The following ZSWIM5 variants were observed in gnomAD, a reference collection of about 807,000 sequenced individuals.
ZSWIM5 encodes the protein zinc finger SWIM-type containing 5.
Under a neutral mutation model 119.6 loss-of-function variants are expected in ZSWIM5, and 55 were observed. The ratio of observed to expected loss-of-function variants is 0.46; its 90% CI spans 0.37 to 0.58. The LOEUF is 0.58. Ranked by LOEUF, ZSWIM5 falls within the 20% of genes least tolerant of loss-of-function variation. The pLI is 0.00. For missense variants in ZSWIM5, 1,193 were observed against 1,512.8 expected, an observed-to-expected ratio of 0.79 and a Z score of 3.51; for synonymous variants, 537 against 606.9, an observed-to-expected ratio of 0.88 and a Z score of 1.69.
At position 45,020,649 on chromosome 1, in the gene ZSWIM5, G is replaced by A. The variant is rs368723152; in HGVS notation, c.2589C>T (p.Asn863=). The change falls in exon 12 of 14, where the codon AAC becomes AAT. Residue 863 remains asparagine, a synonymous_variant. Coordinates refer to ENST00000359600, the MANE Select transcript of ZSWIM5 (RefSeq NM_020883.2). ...CCTGTAACCCAAGTTCCAGGGCAACGTTGAGCAGGGTGCTGTCAGTACTAC... is the reference window on the plus strand; with the variant it reads ...CCTGTAACCCAAGTTCCAGGGCAACATTGAGCAGGGTGCTGTCAGTACTAC... ...TDSSTDSTLL[N]VALELGLQVM... The A allele has an allele frequency of 3.3e-5, 54 of 1,613,894 alleles. No homozygotes were observed. The highest frequency in any genetic ancestry group is 1.2e-4 in the Admixed American group (7 of 59,984).
At chr1:45,055,362 G>T (rs1645115989) in intron 4 of ZSWIM5, among the ~76,000 whole-genome samples, 1 of 152,076 alleles carries the variant, frequency 6.6e-6, no homozygotes, top group South Asian at 2.1e-4. Context: ...CTGACCTCAG[G>T]TGATCTGCCT....
intron 1 of ZSWIM5, among the ~76,000 whole-genome samples, chr1:45,157,744 T>C (rs770313444): frequency 6.6e-6 from 1 of 152,238 alleles, no homozygotes; most frequent in Non-Finnish European, 1.5e-5. Flanking sequence ...GGTAAGTGTA[T>C]GTATGGACCT....
intron 10 of ZSWIM5, 45 bp downstream of exon 10, chr1:45,035,643 C>A: frequency 6.2e-7 from 1 of 1,604,570 alleles, no homozygotes; most frequent in East Asian, 2.2e-5. Context: ...GCACTGGACA[C>A]TTCTGCTTTG....
intron 8 of ZSWIM5, among the ~76,000 whole-genome samples, chr1:45,038,528 T>C (rs1191561564): frequency 6.9e-6 from 1 of 144,314 alleles, no homozygotes; most frequent in African/African-American, 2.5e-5. Flanking sequence ...TGCTCTAGTT[T>C]GGACAAGAGG....
Position 45,040,413 on chromosome 1 carries a change from T to C in ZSWIM5, c.1735A>G (p.Ile579Val). Residue 579 changes from isoleucine (I) to valine (V), a missense_variant, in exon 7 of 14, where the codon ATC becomes GTC. Physicochemically the swap from Ile to Val is conservative, Grantham distance 29. Coordinates refer to ENST00000359600, the MANE Select transcript of ZSWIM5 (RefSeq NM_020883.2). Reference protein sequence around the residue: ...LRLQQQRQLEIYKHQKKELLQ... With the variant: ...LRLQQQRQLEVYKHQKKELLQ... ...ATACCTTTCTTCTGATGCTTGTAGA[T>C]TTCCAGTTGCCGCTGCTGCTGCAAC... 1.2e-6 allele frequency: 2 copies of C among 1,611,294 alleles called. No homozygotes were observed. Among genetic ancestry groups the C allele is most frequent in the Non-Finnish European group, 1.7e-6 (2 of 1,178,770 alleles).
chr1:45,127,295 G>A (rs1645627180), intron 1 of ZSWIM5, among the ~76,000 whole-genome samples: 1 of 151,986 alleles, frequency 6.6e-6, no homozygotes, highest in Non-Finnish European at 1.5e-5. Context: ...AGTTGACACA[G>A]GAAAAGTATT....
intron 8 of ZSWIM5, among the ~76,000 whole-genome samples, chr1:45,036,527 G>A (rs1193979585): frequency 6.6e-6 from 1 of 151,788 alleles, no homozygotes; most frequent in Non-Finnish European, 1.5e-5. Context: ...TCGAATTTTT[G>A]TATTTTTAGT....
intron 2 of ZSWIM5, among the ~76,000 whole-genome samples, chr1:45,081,547 G>C (rs1052820842): frequency 6.6e-6 from 1 of 152,244 alleles, no homozygotes; most frequent in Non-Finnish European, 1.5e-5. Flanking sequence ...TCCTAACCGC[G>C]AGTGATCCGC....
At chr1:45,091,239 C>T (rs527252917) in intron 1 of ZSWIM5, among the ~76,000 whole-genome samples, 1 of 152,124 alleles carries the variant, frequency 6.6e-6, no homozygotes, top group East Asian at 1.9e-4. Flanking sequence ...TAATTTCCCT[C>T]GGGCCATTCA....
At position 45,147,631 on chromosome 1, in the gene ZSWIM5, T is replaced by C. The variant is rs184058607; in HGVS notation, c.595+58125A>G. 2.4e-5 allele frequency among the ~76,000 whole-genome samples: 3 copies of C among 127,302 alleles called. No homozygotes were observed. In the East Asian group the frequency reaches 6.5e-4, roughly 28 times the overall value. The allele number at this position is 127,302 out of a possible 152,430, so 83.5% of individuals were successfully genotyped here. ...GAAGAAACCAGTTGGACATATATAATATGGAAAGGAAAAAATGGGGATAGG... is the reference window on the plus strand; with the variant it reads ...GAAGAAACCAGTTGGACATATATAACATGGAAAGGAAAAAATGGGGATAGG... On this transcript the variant is annotated intron_variant, in intron 1 of 13. Transcript: ENST00000359600.
At chr1:45,106,924 C>T (rs1645483472) in intron 1 of ZSWIM5, among the ~76,000 whole-genome samples, 1 of 152,216 alleles carries the variant, frequency 6.6e-6, no homozygotes, top group African/African-American at 2.4e-5. Context: ...CCCCAACCCC[C>T]TGCTCTCTGA....
chr1:45,029,689 T>C (rs1333580083), intron 11 of ZSWIM5, among the ~76,000 whole-genome samples: 2 of 152,232 alleles, frequency 1.3e-5, no homozygotes, highest in Non-Finnish European at 2.9e-5. Flanking sequence ...GTCAAAATCA[T>C]ACGATCTTTA....
At chr1:45,052,758 A>C (rs201197433) in intron 4 of ZSWIM5, among the ~76,000 whole-genome samples, 1 of 3,892 alleles carries the variant, frequency 2.6e-4, no homozygotes, top group Non-Finnish European at 5.5e-4. Context: ...GGGTGATGGG[A>C]AAAAAAAAAA....
intron 8 of ZSWIM5, 57 bp downstream of exon 8, chr1:45,038,879 A>G: frequency 6.2e-7 from 1 of 1,602,986 alleles, no homozygotes; most frequent in East Asian, 2.2e-5. Flanking sequence ...TACAGGTGTG[A>G]GCCACCATGC....
chr1:45,165,542 A>C (rs1645896120), intron 1 of ZSWIM5, among the ~76,000 whole-genome samples: 1 of 152,110 alleles, frequency 6.6e-6, no homozygotes, highest in African/African-American at 2.4e-5. Context: ...GTTTTTTGAA[A>C]AGATCAACAA....
At chr1:45,043,655 TC>T (rs1302478856) in intron 5 of ZSWIM5, among the ~76,000 whole-genome samples, 2 of 152,224 alleles carry the variant, frequency 1.3e-5, no homozygotes, top group East Asian at 3.9e-4. Flanking sequence ...CCCACAGAGA[TC>T]TATGGCTTAC....
chr1:45,043,678 A>G (rs1645030320), intron 5 of ZSWIM5, among the ~76,000 whole-genome samples: 2 of 152,064 alleles, frequency 1.3e-5, no homozygotes, highest in South Asian at 4.2e-4. Context: ...TCCTCCTTCT[A>G]CAGAAGACTA....
chr1:45,041,541 C>CTT (rs10700834), intron 6 of ZSWIM5, among the ~76,000 whole-genome samples: 131,584 of 144,814 alleles, frequency 0.91, 59,805 homozygotes, highest in East Asian at 1. Context: ...TTTCTAGTAA[C>CTT]TTTTTTTTTT....
At chr1:45,024,699 G>C (rs1326007679) in intron 11 of ZSWIM5, among the ~76,000 whole-genome samples, 1 of 151,904 alleles carries the variant, frequency 6.6e-6, no homozygotes, top group African/African-American at 2.4e-5. Context: ...CTGTCGCCCA[G>C]GCTGGAGTGC....
Sources: gnomAD v4.1 joint callset for allele counts (sites outside exome capture counted in the v4.1 genomes callset) on GRCh38, gnomAD v4.1.1 for gene constraint, MANE v1.5 for transcripts, NCBI Gene and HGNC (gene_info 2026-07-23, HGNC 2026-07-21) for gene names.